ARL14EPL: variants seen among roughly 807,000 people sequenced by gnomAD.
ARL14EPL encodes ARF like GTPase 14 effector protein like, also known as ARL14 effector protein-like.
Under a neutral mutation model 15.9 loss-of-function variants are expected in ARL14EPL, and 17 were observed. The observed-to-expected ratio is 1.07, with a 90% CI of 0.73 to 1.60. The LOEUF is 1.60. Among genes scored for constraint, ARL14EPL ranks in the 40% most tolerant of loss-of-function variants. ARL14EPL has a pLI of 0.00. For synonymous variants in ARL14EPL, 78 were observed against 63.8 expected, an observed-to-expected ratio of 1.22 and a Z score of -1.06; for missense variants, 214 against 185.9, an observed-to-expected ratio of 1.15 and a Z score of -0.88.
intron 1 of ARL14EPL, among the ~76,000 whole-genome samples, chr5:116,038,000 G>T (rs548164811): frequency 1.5e-3 from 226 of 152,298 alleles, no homozygotes; most frequent in Non-Finnish European, 1.4e-3. Flanking sequence ...CTTAAGGTTT[G>T]CATTGCCTAT....
intron 1 of ARL14EPL, among the ~76,000 whole-genome samples, chr5:116,033,987 C>A (rs548872306): frequency 6.6e-6 from 1 of 152,158 alleles, no homozygotes; most frequent in South Asian, 2.1e-4. Flanking sequence ...CAATGCCAAG[C>A]AATGAGATGA....
At chr5:116,051,597 G>A (rs997498217) in intron 2 of ARL14EPL, 36 bp downstream of exon 2, 1 of 1,478,436 alleles carries the variant, frequency 6.8e-7, no homozygotes, top group Non-Finnish European at 9.1e-7. Flanking sequence ...CATGCTACTG[G>A]GGAGTGCCCC....
At chr5:116,055,935 A>T (rs907880716) in intron 3 of ARL14EPL, among the ~76,000 whole-genome samples, 2 of 152,146 alleles carry the variant, frequency 1.3e-5, no homozygotes, top group Non-Finnish European at 2.9e-5. Context: ...GCTAAGAATG[A>T]TAGTTTCCAA....
At chr5:116,046,922 G>C (rs1177673283) in intron 1 of ARL14EPL, among the ~76,000 whole-genome samples, 2 of 152,136 alleles carry the variant, frequency 1.3e-5, no homozygotes, top group Non-Finnish European at 2.9e-5. Flanking sequence ...TAATCTGATA[G>C]AATTGCTGGT....
chr5:116,057,901 C>T (rs1749558435), intron 3 of ARL14EPL, among the ~76,000 whole-genome samples: 1 of 152,158 alleles, frequency 6.6e-6, no homozygotes, highest in African/African-American at 2.4e-5. Flanking sequence ...ATCAGTTATA[C>T]AGAGGTATTT....
In ARL14EPL at chr5:116,039,165, A is replaced by G. The variant is rs569371505; in HGVS notation, c.-10+6660A>G. On this transcript the variant is annotated intron_variant, in intron 1 of 3. Coordinates refer to ENST00000686077, the MANE Select transcript of ARL14EPL (RefSeq NM_001195581.2). The stretch of plus-strand genomic sequence containing the variant: ...GAGTGTAAGCCTGGGGCAGAAGGTC[A>G]GGTCCCGAACAGGGTTTGGTGGGAA... Among the ~76,000 whole-genome samples, 14 of 152,270 alleles carry G rather than the reference A, an allele frequency of 9.2e-5. 1 individual carries two copies. In the East Asian group the frequency reaches 2.5e-3, roughly 27 times the overall value.
intron 1 of ARL14EPL, among the ~76,000 whole-genome samples, chr5:116,036,883 A>T (rs569509503): frequency 1.2e-4 from 18 of 152,138 alleles, no homozygotes; most frequent in Non-Finnish European, 2.4e-4. Flanking sequence ...AAATTTATTG[A>T]TGCATTTTGA....
At chr5:116,042,293 G>C (rs927531364) in intron 1 of ARL14EPL, among the ~76,000 whole-genome samples, 1 of 152,180 alleles carries the variant, frequency 6.6e-6, no homozygotes, top group African/African-American at 2.4e-5. Context: ...TTTGAAGAAA[G>C]GAACTGTGTC....
At chr5:116,058,271 TGTG>T (rs1749565449) in intron 3 of ARL14EPL, among the ~76,000 whole-genome samples, 6 of 152,212 alleles carry the variant, frequency 3.9e-5, no homozygotes, top group Non-Finnish European at 7.3e-5. Flanking sequence ...GTAACAAAAA[TGTG>T]GTAGTTGCAT....
intron 1 of ARL14EPL, among the ~76,000 whole-genome samples, chr5:116,035,497 G>C (rs1749032457): frequency 6.6e-6 from 1 of 152,172 alleles, no homozygotes; most frequent in African/African-American, 2.4e-5. Flanking sequence ...TTTTTTGACT[G>C]CGAACTGATT....
intron 1 of ARL14EPL, among the ~76,000 whole-genome samples, chr5:116,044,464 A>ATT (rs1749226420): frequency 7.0e-6 from 1 of 143,032 alleles, no homozygotes. Flanking sequence ...GAAGAAAAAC[A>ATT]TTATATATAT....
chr5:116,058,850 G>C lies in ARL14EPL; in HGVS notation c.362G>C (p.Gly121Ala), dbSNP rs1275745749. 4 of 1,535,988 alleles carry C rather than the reference G, an allele frequency of 2.6e-6. No individual in the cohort carries two copies. The highest frequency in any genetic ancestry group is 1.4e-5 in the African/African-American group (1 of 73,028). Reference sequence around the variant, plus strand: ...CCGAAGTGTAACTCCAACAAGTGTGGGCCCGAGTGCCGCTGCAACCGACGG... The same window carrying C: ...CCGAAGTGTAACTCCAACAAGTGTGCGCCCGAGTGCCGCTGCAACCGACGG... The part of the protein sequence containing the change: ...PCPKCNSNKC[G>A]PECRCNRRWV... The change falls in exon 4 of 4, where the codon GGG (glycine) becomes GCG (alanine). Residue 121 changes from glycine (G) to alanine (A), a missense_variant. Transcript: ENST00000686077.
chr5:116,043,250 GAT>G (rs1472432679), intron 1 of ARL14EPL, among the ~76,000 whole-genome samples: 1 of 151,598 alleles, frequency 6.6e-6, no homozygotes, highest in African/African-American at 2.4e-5. Context: ...GCACCAACCT[GAT>G]AATACCACTC....
At chr5:116,057,350 T>A (rs914612771) in intron 3 of ARL14EPL, among the ~76,000 whole-genome samples, 2 of 152,154 alleles carry the variant, frequency 1.3e-5, no homozygotes, top group Non-Finnish European at 2.9e-5. Flanking sequence ...GAAGTTTGTT[T>A]TATTCTTCTT....
intron 2 of ARL14EPL, chr5:116,051,810 T>C: frequency 1.2e-6 from 1 of 844,512 alleles, no homozygotes; most frequent in East Asian, 2.7e-5. Flanking sequence ...AATAAAATTC[T>C]GCTTTTTGTG....
intron 3 of ARL14EPL, among the ~76,000 whole-genome samples, chr5:116,056,709 T>A (rs1481727853): frequency 6.6e-6 from 1 of 152,248 alleles, no homozygotes; most frequent in African/African-American, 2.4e-5. Flanking sequence ...GTTTTAGACA[T>A]GAAGTTCTTG....
chr5:116,052,847 G>C (rs2560696), intron 2 of ARL14EPL, among the ~76,000 whole-genome samples: 4 of 151,930 alleles, frequency 2.6e-5, no homozygotes, highest in Non-Finnish European at 5.9e-5. Flanking sequence ...TTTCCAGGTG[G>C]GGTATTTCAT....
chr5:116,038,418 G>A lies in ARL14EPL; in HGVS notation c.-10+5913G>A, dbSNP rs550586083. On this transcript the variant is annotated intron_variant, in intron 1 of 3. Transcript: ENST00000686077. ...ACATACACTGGGGAAAGCGTAAGTG[G>A]GTCCTGGAAGTGGGAACATTCTTGC... Among the ~76,000 whole-genome samples the A allele has an allele frequency of 3.3e-5, 5 of 152,232 alleles. No homozygotes were observed. The South Asian group carries it at 6.2e-4, about 19-fold the overall frequency.
At position 116,056,473 on chromosome 5, in the gene ARL14EPL, C is replaced by T. The variant is rs183319825; in HGVS notation, c.237-2252C>T. On this transcript the variant is annotated intron_variant, in intron 3 of 3. Transcript: ENST00000686077. Reference sequence around the variant, plus strand: ...TTGAGAAGTGTCTCTTCATATCCTTCGCCCACTTGTTGATGGGGTTGTTTG... The same window carrying T: ...TTGAGAAGTGTCTCTTCATATCCTTTGCCCACTTGTTGATGGGGTTGTTTG... Among the ~76,000 whole-genome samples the T allele has an allele frequency of 9.9e-3, 1,509 of 152,222 alleles. 22 individuals carry two copies. The highest frequency in any genetic ancestry group is 0.034 in the African/African-American group (1,410 of 41,524).
Sources: allele counts gnomAD v4.1 joint callset (sites outside exome capture counted in the v4.1 genomes callset), GRCh38; gene constraint gnomAD v4.1.1; transcripts MANE v1.5; gene names NCBI Gene and HGNC (gene_info 2026-07-23, HGNC 2026-07-21).